Variants in ATP6V1H observed in about 807,000 individuals in gnomAD.
The protein encoded by ATP6V1H is V-type proton ATPase subunit H.
Under a neutral mutation model 71.7 loss-of-function variants are expected in ATP6V1H, and 39 were observed. That is an observed-to-expected ratio of 0.54 (90% CI 0.42 to 0.71). ATP6V1H has a LOEUF of 0.71. Ranked by LOEUF, ATP6V1H falls within the 30% of genes least tolerant of loss-of-function variation. The pLI is 0.00. For missense variants in ATP6V1H, 509 were observed against 594.9 expected, an observed-to-expected ratio of 0.86 and a Z score of 1.50; for synonymous variants, 192 against 199.3, an observed-to-expected ratio of 0.96 and a Z score of 0.31.
intron 13 of ATP6V1H, among the ~76,000 whole-genome samples, chr8:53,733,298 G>A (rs914701344): frequency 4.6e-5 from 7 of 152,302 alleles, no homozygotes; most frequent in African/African-American, 1.7e-4. Context: ...AAGATCCGGG[G>A]TCAGGTGTCA....
chr8:53,744,630 T>C (rs1807535973), intron 12 of ATP6V1H, among the ~76,000 whole-genome samples: 1 of 152,116 alleles, frequency 6.6e-6, no homozygotes, highest in Admixed American at 6.5e-5. Flanking sequence ...AAGAAATAAG[T>C]AGATGGGGGT....
chr8:53,842,319 A>G (rs1811366300), intron 1 of ATP6V1H, among the ~76,000 whole-genome samples: 1 of 152,238 alleles, frequency 6.6e-6, no homozygotes, highest in Non-Finnish European at 1.5e-5. Flanking sequence ...TACATATTAC[A>G]ATTTAGGTAA....
intron 2 of ATP6V1H, among the ~76,000 whole-genome samples, chr8:53,837,692 G>A (rs1811204797): frequency 6.6e-6 from 1 of 152,148 alleles, no homozygotes; most frequent in Non-Finnish European, 1.5e-5. Context: ...GAGGGGGCAT[G>A]ATCAGACTTG....
At chr8:53,765,312 G>C (rs1401538243) in intron 11 of ATP6V1H, among the ~76,000 whole-genome samples, 1 of 150,662 alleles carries the variant, frequency 6.6e-6, no homozygotes, top group Non-Finnish European at 1.5e-5. Flanking sequence ...TGAGGCTGGA[G>C]AATCTTGCAC....
chr8:53,768,141 T>C (rs577830975), intron 11 of ATP6V1H, among the ~76,000 whole-genome samples: 9 of 152,102 alleles, frequency 5.9e-5, no homozygotes, highest in Non-Finnish European at 1.2e-4. Context: ...CAGACATTTC[T>C]CCAAAGTAGA....
At chr8:53,774,588 G>C (rs962284491) in intron 9 of ATP6V1H, among the ~76,000 whole-genome samples, 3 of 152,026 alleles carry the variant, frequency 2.0e-5, no homozygotes, top group Admixed American at 2.0e-4. Context: ...GAATGATAAA[G>C]TGGCTTCTAT....
intron 12 of ATP6V1H, among the ~76,000 whole-genome samples, chr8:53,750,690 A>G (rs1807762040): frequency 6.6e-6 from 1 of 152,186 alleles, no homozygotes. Flanking sequence ...AAAGGACAAA[A>G]CTGCAAGAGA....
At chr8:53,818,107 T>A (rs1222024437) in intron 4 of ATP6V1H, among the ~76,000 whole-genome samples, 2 of 152,224 alleles carry the variant, frequency 1.3e-5, no homozygotes, top group Non-Finnish European at 2.9e-5. Flanking sequence ...TCATTAAAAC[T>A]TCACCTCTCA....
intron 7 of ATP6V1H, among the ~76,000 whole-genome samples, chr8:53,802,549 T>A (rs1743218639): frequency 6.6e-6 from 1 of 151,938 alleles, no homozygotes; most frequent in Admixed American, 6.6e-5. Flanking sequence ...TGAAACCCCA[T>A]ATCTACTAAA....
intron 9 of ATP6V1H, 51 bp downstream of exon 9, chr8:53,795,596 T>C (rs749256160): frequency 2.8e-5 from 43 of 1,553,802 alleles, no homozygotes; most frequent in Admixed American, 5.7e-5. Context: ...TCAAATATAC[T>C]GCACAGTGAA....
intron 2 of ATP6V1H, among the ~76,000 whole-genome samples, chr8:53,833,838 T>C (rs1488463144): frequency 6.6e-6 from 1 of 152,082 alleles, no homozygotes; most frequent in African/African-American, 2.4e-5. Context: ...TTCAGCATCA[T>C]GTTCCTGTCA....
Position 53,832,948 on chromosome 8 carries a change from C to T in ATP6V1H, c.216+36G>A, listed in dbSNP as rs947553623. On this transcript the variant is annotated intron_variant, in intron 3 of 13. Coordinates refer to ENST00000359530, the MANE Select transcript of ATP6V1H (RefSeq NM_015941.4). ...GATTTTTCTAAACTTTTGGATGACA[C>T]GGGGAAGTGTTCATTATATAATGTT... 3.1e-5 allele frequency: 44 copies of T among 1,406,824 alleles called. No homozygotes were observed. The Admixed American group carries it at 6.1e-4, about 20-fold the overall frequency. 87.1% of individuals were successfully genotyped at this position (1,406,824 alleles called of 1,614,324 possible).
chr8:53,758,205 T>G lies in ATP6V1H; in HGVS notation c.1176-1549A>C, dbSNP rs548833993. Among the ~76,000 whole-genome samples the G allele has an allele frequency of 3.9e-5, 6 of 152,354 alleles. No individual in the cohort carries two copies. The South Asian group carries it at 6.2e-4, about 16-fold the overall frequency. Reference sequence around the variant, plus strand: ...TTAAATTTAATTCAACTGAAACATTTTGATAATTTCAAAAAATTACTTCTT... The same window carrying G: ...TTAAATTTAATTCAACTGAAACATTGTGATAATTTCAAAAAATTACTTCTT... On this transcript the variant is annotated intron_variant, in intron 11 of 13. Coordinates refer to ENST00000359530, the MANE Select transcript of ATP6V1H (RefSeq NM_015941.4).
At chr8:53,781,621 T>G (rs1809138405) in intron 9 of ATP6V1H, among the ~76,000 whole-genome samples, 1 of 152,188 alleles carries the variant, frequency 6.6e-6, no homozygotes, top group African/African-American at 2.4e-5. Flanking sequence ...TGCCCATGCC[T>G]ATGTCCTGAA....
At chr8:53,840,016 G>T in intron 2 of ATP6V1H, 1 of 660,686 alleles carries the variant, frequency 1.5e-6, no homozygotes. Context: ...TTGCTTCCCT[G>T]CCTTTGCTCA....
chr8:53,759,780 AT>A, intron 11 of ATP6V1H, among the ~76,000 whole-genome samples: 1 of 152,306 alleles, frequency 6.6e-6, no homozygotes, highest in Admixed American at 6.5e-5. Flanking sequence ...CTCAAAATAT[AT>A]ATTTATTTCA....
At chr8:53,821,316 T>C (rs1304844692) in intron 4 of ATP6V1H, among the ~76,000 whole-genome samples, 1 of 142,728 alleles carries the variant, frequency 7.0e-6, no homozygotes, top group Non-Finnish European at 1.5e-5. Flanking sequence ...GAGGTTGCAG[T>C]GGGCAGAGAT....
chr8:53,824,682 C>A (rs1449566399), intron 4 of ATP6V1H, among the ~76,000 whole-genome samples: 2 of 152,014 alleles, frequency 1.3e-5, no homozygotes, highest in Non-Finnish European at 2.9e-5. Flanking sequence ...AAACTCAACA[C>A]CTATTCTTAA....
At chr8:53,731,583 G>A (rs1807026334) in intron 13 of ATP6V1H, among the ~76,000 whole-genome samples, 1 of 152,114 alleles carries the variant, frequency 6.6e-6, no homozygotes, top group Non-Finnish European at 1.5e-5. Flanking sequence ...CCTTTCACAT[G>A]GACCCCCTTA....
Sources: allele counts gnomAD v4.1 joint callset (sites outside exome capture counted in the v4.1 genomes callset), GRCh38; gene constraint gnomAD v4.1.1; transcripts MANE v1.5; gene names NCBI Gene and HGNC (gene_info 2026-07-23, HGNC 2026-07-21).